The following TSHR variants were observed in gnomAD, a reference collection of about 807,000 sequenced individuals.
The protein encoded by TSHR is thyroid stimulating hormone receptor.
In TSHR, 51 loss-of-function variants were observed where a neutral mutation model predicts 64.1. The observed-to-expected ratio is 0.80, with a 90% CI of 0.64 to 1.01. The LOEUF is 1.01. Ranked by LOEUF, TSHR falls within the 50% of genes least tolerant of loss-of-function variation. The pLI, the probability that TSHR is intolerant of heterozygous loss-of-function variation, is 0.00. For missense variants in TSHR, 877 were observed against 942.8 expected, an observed-to-expected ratio of 0.93 and a Z score of 0.91; for synonymous variants, 361 against 361.9, an observed-to-expected ratio of 1.00 and a Z score of 0.03.
At chr14:81,006,394 G>T (rs1222717847) in intron 1 of TSHR, among the ~76,000 whole-genome samples, 1 of 152,098 alleles carries the variant, frequency 6.6e-6, no homozygotes, top group Non-Finnish European at 1.5e-5. Context: ...TTCTCACATG[G>T]TTTTGTCTCT....
intron 1 of TSHR, among the ~76,000 whole-genome samples, chr14:80,963,093 C>G (rs1887118622): frequency 6.6e-6 from 1 of 152,156 alleles, no homozygotes; most frequent in South Asian, 2.1e-4. Context: ...ATTGGAATAG[C>G]AAGACCAATC....
intron 1 of TSHR, among the ~76,000 whole-genome samples, chr14:81,055,787 G>A (rs1326201003): frequency 6.6e-6 from 1 of 152,148 alleles, no homozygotes; most frequent in African/African-American, 2.4e-5. Flanking sequence ...ATTGTATCTA[G>A]GAAGTAACTA....
At chr14:81,120,932 C>CA (rs934828779) in intron 8 of TSHR, among the ~76,000 whole-genome samples, 1 of 150,906 alleles carries the variant, frequency 6.6e-6, no homozygotes, top group African/African-American at 2.4e-5. Context: ...AAGCCAAAAC[C>CA]AAAAAAGTAA....
chr14:81,082,912 G>A (rs1888011468), intron 3 of TSHR, among the ~76,000 whole-genome samples: 1 of 152,078 alleles, frequency 6.6e-6, no homozygotes, highest in African/African-American at 2.4e-5. Context: ...GGCAGTTTAG[G>A]GTGTGGGGAA....
At chr14:81,047,445 G>T (rs1462871333) in intron 1 of TSHR, among the ~76,000 whole-genome samples, 1 of 152,110 alleles carries the variant, frequency 6.6e-6, no homozygotes, top group Non-Finnish European at 1.5e-5. Flanking sequence ...GCTCTGACTG[G>T]ATTGAAAATG....
intron 3 of TSHR, among the ~76,000 whole-genome samples, chr14:81,072,563 TAGAG>T (rs895610186): frequency 6.6e-6 from 1 of 151,976 alleles, no homozygotes; most frequent in Non-Finnish European, 1.5e-5. Flanking sequence ...TTGGAAGAAA[TAGAG>T]AGTTTCTGGA....
Position 81,144,282 on chromosome 14 carries a change from A to G in TSHR, c.2224A>G (p.Ile742Val), listed in dbSNP as rs536105098. The G allele has an allele frequency of 6.2e-7, 1 of 1,614,166 alleles. No homozygotes were observed. Among genetic ancestry groups the G allele is most frequent in the Admixed American group, 1.7e-5 (1 of 60,014 alleles). Residue 742 changes from isoleucine (I) to valine (V), a missense_variant, in exon 10 of 10, where the codon ATT becomes GTT. Coordinates refer to ENST00000298171, the MANE Select transcript of TSHR (RefSeq NM_000369.5). ...LHNMEDVYEL[I>V]ENSHLTPKKQ... ...CAACATGGAAGATGTCTATGAACTG[A>G]TTGAAAACTCCCATCTAACCCCAAA...
intron 1 of TSHR, among the ~76,000 whole-genome samples, chr14:81,061,034 T>TA (rs1886199775): frequency 6.6e-6 from 1 of 152,116 alleles, no homozygotes; most frequent in South Asian, 2.1e-4. Flanking sequence ...GTCACACCTT[T>TA]AAGGTGCAAA....
rs2140110422 is a variant in TSHR, at chr14:81,143,313, A to G, written c.1255A>G (p.Ile419Val). 6.2e-7 allele frequency: 1 copy of G among 1,614,120 alleles called. No homozygotes were observed. The change falls in exon 10 of 10, where the codon ATT becomes GTT. Residue 419 changes from isoleucine to valine, a missense_variant. Transcript: ENST00000298171. The stretch of plus-strand genomic sequence containing the variant: ...CATAATGGGCTACAAGTTCCTGAGA[A>G]TTGTGGTGTGGTTCGTTAGTCTGCT... The part of the protein sequence containing the change: ...EDIMGYKFLR[I>V]VVWFVSLLAL...
intron 8 of TSHR, among the ~76,000 whole-genome samples, chr14:81,138,187 ATTT>A (rs368195048): frequency 6.9e-5 from 9 of 130,356 alleles, no homozygotes; most frequent in Non-Finnish European, 6.5e-5. Flanking sequence ...GCCAAGGGTA[ATTT>A]TTTTTTTTTT....
chr14:81,089,716 T>C (rs1228353914), intron 4 of TSHR, among the ~76,000 whole-genome samples: 6 of 152,230 alleles, frequency 3.9e-5, no homozygotes, highest in Non-Finnish European at 8.8e-5. Flanking sequence ...GATCCAAGTA[T>C]ATGGACCCCA....
At chr14:81,138,125 G>A (rs1266132562) in intron 8 of TSHR, among the ~76,000 whole-genome samples, 2 of 151,264 alleles carry the variant, frequency 1.3e-5, no homozygotes, top group African/African-American at 2.4e-5. Flanking sequence ...ATTTATGCCA[G>A]TTTATAAATG....
rs74595922 is a variant in TSHR, at chr14:81,083,706, C to T, written c.318-4248C>T. On this transcript the variant is annotated intron_variant, in intron 3 of 9. Coordinates refer to ENST00000298171, the MANE Select transcript of TSHR (RefSeq NM_000369.5). ...AAAAAAGTACACTGTTTCTTTTTACCCTTTAATCTTCTGTATTAATTTGTA... is the reference window on the plus strand; with the variant it reads ...AAAAAAGTACACTGTTTCTTTTTACTCTTTAATCTTCTGTATTAATTTGTA... 9.0e-3 allele frequency among the ~76,000 whole-genome samples: 1,377 copies of T among 152,220 alleles called. 20 individuals carry two copies. The highest frequency in any genetic ancestry group is 0.041 in the Middle Eastern group (12 of 294).
At chr14:81,099,548 G>A (rs1210939334) in intron 7 of TSHR, 1 of 152,184 alleles carries the variant, frequency 6.6e-6, no homozygotes, top group African/African-American at 2.4e-5. Context: ...GAGATCATGT[G>A]AGAGAAAGAA....
At chr14:81,063,951 A>G (rs1021202725) in intron 2 of TSHR, among the ~76,000 whole-genome samples, 3 of 152,168 alleles carry the variant, frequency 2.0e-5, no homozygotes, top group Non-Finnish European at 4.4e-5. Flanking sequence ...GAAATATAAT[A>G]AGTTTCTTGG....
intron 3 of TSHR, among the ~76,000 whole-genome samples, chr14:81,080,595 C>T (rs966851446): frequency 2.0e-5 from 3 of 152,112 alleles, no homozygotes; most frequent in African/African-American, 4.8e-5. Flanking sequence ...TTTCTCAATA[C>T]ATTAAAAGAT....
chr14:81,018,215 G>C (rs1171487679), intron 1 of TSHR, among the ~76,000 whole-genome samples: 1 of 152,144 alleles, frequency 6.6e-6, no homozygotes. Flanking sequence ...GTTCATGAAA[G>C]CCGCCCAATA....
At chr14:80,978,458 A>G (rs1888004620) in intron 1 of TSHR, among the ~76,000 whole-genome samples, 1 of 152,228 alleles carries the variant, frequency 6.6e-6, no homozygotes. Flanking sequence ...TCTGTGAAAG[A>G]TAAAGGGGGA....
intron 1 of TSHR, among the ~76,000 whole-genome samples, chr14:80,956,762 A>G (rs768841297): frequency 3.3e-5 from 5 of 152,200 alleles, no homozygotes; most frequent in Non-Finnish European, 7.3e-5. Context: ...TTTTCTCAAG[A>G]ATTTAGCTCA....
Sources: allele counts gnomAD v4.1 joint callset (sites outside exome capture counted in the v4.1 genomes callset), GRCh38; gene constraint gnomAD v4.1.1; transcripts MANE v1.5; gene names NCBI Gene and HGNC (gene_info 2026-07-23, HGNC 2026-07-21).